The following DOCK3 variants were observed in gnomAD, a reference collection of about 807,000 sequenced individuals.
DOCK3 encodes dedicator of cytokinesis 3.
DOCK3 carries 60 observed loss-of-function variants against 265.6 expected under a neutral mutation model. That is an observed-to-expected ratio of 0.23 (90% CI 0.18 to 0.28). The LOEUF is 0.28. Ranked by LOEUF, DOCK3 falls within the 10% of genes least tolerant of loss-of-function variation. The pLI is 1.00. For synonymous variants in DOCK3, 881 were observed against 938.0 expected, an observed-to-expected ratio of 0.94 and a Z score of 1.11; for missense variants, 1,981 against 2,594.3, an observed-to-expected ratio of 0.76 and a Z score of 5.14.
intron 49 of DOCK3, among the ~76,000 whole-genome samples, chr3:51,369,639 C>T (rs2087529611): frequency 6.6e-6 from 1 of 151,784 alleles, no homozygotes; most frequent in Non-Finnish European, 1.5e-5. Flanking sequence ...ACCCATGAAG[C>T]CCACAGTAGG....
chr3:51,168,666 C>G (rs1012657744), intron 12 of DOCK3, among the ~76,000 whole-genome samples: 2 of 152,142 alleles, frequency 1.3e-5, no homozygotes, highest in Non-Finnish European at 2.9e-5. Flanking sequence ...CAATACCATT[C>G]TAGACATAGG....
chr3:50,789,519 A>G (rs2042354705), intron 2 of DOCK3, among the ~76,000 whole-genome samples: 1 of 152,126 alleles, frequency 6.6e-6, no homozygotes, highest in African/African-American at 2.4e-5. Flanking sequence ...GTTTAAGTCC[A>G]TTGTTTACTT....
At chr3:50,935,601 C>T (rs901488354) in intron 5 of DOCK3, among the ~76,000 whole-genome samples, 2 of 152,196 alleles carry the variant, frequency 1.3e-5, no homozygotes, top group Non-Finnish European at 2.9e-5. Flanking sequence ...GACTTCCACC[C>T]TCCCTTCCCC....
intron 1 of DOCK3, among the ~76,000 whole-genome samples, chr3:50,690,495 C>T (rs888392339): frequency 2.0e-5 from 3 of 152,044 alleles, no homozygotes; most frequent in African/African-American, 7.2e-5. Context: ...AACTGTCATC[C>T]ACTGTCTATC....
In DOCK3 at chr3:51,260,186, C is replaced by G; in HGVS notation, c.2215C>G (p.Gln739Glu). Residue 739 changes from glutamine to glutamate, a missense_variant, in exon 23 of 53, where the codon CAG becomes GAG. Physicochemically the swap from Gln to Glu is conservative, Grantham distance 29 (BLOSUM62 2). Around this residue, in one of 4 missense-constraint regions of DOCK3, gnomAD observed 1,357 missense variants for 1,866.8 expected, o/e 0.73. Coordinates refer to ENST00000266037, the MANE Select transcript of DOCK3 (RefSeq NM_004947.5). ...GGAGTACCTTTTCAAGTTCATTGTA[C>G]AGTCACGGATCCTGTACTCACGAGC... ...ALEYLFKFIVQSRILYSRATC... is the reference protein window; with the variant it reads ...ALEYLFKFIVESRILYSRATC... The G allele has an allele frequency of 6.2e-7, 1 of 1,613,526 alleles. No homozygotes were observed. The highest frequency in any genetic ancestry group is 8.5e-7 in the Non-Finnish European group (1 of 1,179,704).
intron 2 of DOCK3, among the ~76,000 whole-genome samples, chr3:50,782,286 G>A (rs1576418347): frequency 2.2e-5 from 1 of 44,804 alleles, no homozygotes; most frequent in Admixed American, 3.6e-4. Flanking sequence ...ACCAGTACCT[G>A]TTATTTTTTT....
chr3:51,263,362 G>A (rs1259590165), intron 23 of DOCK3, among the ~76,000 whole-genome samples: 2 of 152,122 alleles, frequency 1.3e-5, no homozygotes, highest in Non-Finnish European at 2.9e-5. Context: ...TTACAGACAA[G>A]CAAATGCTGA....
intron 4 of DOCK3, chr3:50,898,662 G>C (rs2049020914): frequency 6.6e-6 from 1 of 152,198 alleles, no homozygotes; most frequent in African/African-American, 2.4e-5. Context: ...GTGTCCCAGA[G>C]ATTCTGGTAT....
chr3:50,924,526 T>C (rs1459168944), intron 4 of DOCK3, among the ~76,000 whole-genome samples: 1 of 152,246 alleles, frequency 6.6e-6, no homozygotes, highest in Non-Finnish European at 1.5e-5. Flanking sequence ...AAATAGGGTA[T>C]TGAATAGTCT....
At chr3:51,034,618 A>G (rs1291829774) in intron 5 of DOCK3, among the ~76,000 whole-genome samples, 1 of 152,002 alleles carries the variant, frequency 6.6e-6, no homozygotes, top group Non-Finnish European at 1.5e-5. Context: ...TTTTTCTTTA[A>G]TCAATTATAT....
At chr3:51,235,896 C>T (rs1335129099) in intron 19 of DOCK3, among the ~76,000 whole-genome samples, 1 of 152,118 alleles carries the variant, frequency 6.6e-6, no homozygotes, top group Non-Finnish European at 1.5e-5. Context: ...CTTGCCACAC[C>T]CTTATCAAAT....
chr3:51,170,697 C>A lies in DOCK3; in HGVS notation c.1037+9995C>A, dbSNP rs538645457. Among the ~76,000 whole-genome samples the A allele has an allele frequency of 1.4e-4, 22 of 152,086 alleles. 1 individual carries two copies. The highest frequency in any genetic ancestry group is 4.8e-4 in the African/African-American group (20 of 41,400). On this transcript the variant is annotated intron_variant, in intron 12 of 52. Coordinates refer to ENST00000266037, the MANE Select transcript of DOCK3 (RefSeq NM_004947.5). ...CGGTGGCTCACGCCTGTAATCCCAG[C>A]GCTTTGGGAGGCGAAGGCGGGCGGA...
At chr3:51,078,596 A>G (rs1467696812) in intron 7 of DOCK3, among the ~76,000 whole-genome samples, 1 of 152,214 alleles carries the variant, frequency 6.6e-6, no homozygotes, top group Non-Finnish European at 1.5e-5. Context: ...TGGCTTCCTA[A>G]TAGCAGCATT....
At chr3:51,185,923 T>C (rs2087573703) in intron 12 of DOCK3, among the ~76,000 whole-genome samples, 1 of 152,212 alleles carries the variant, frequency 6.6e-6, no homozygotes, top group African/African-American at 2.4e-5. Flanking sequence ...CTCTTTGTTT[T>C]GTATATTGCC....
At chr3:50,893,620 C>T (rs1292221767) in intron 4 of DOCK3, among the ~76,000 whole-genome samples, 1 of 151,932 alleles carries the variant, frequency 6.6e-6, no homozygotes, top group African/African-American at 2.4e-5. Context: ...ACTAATGGGA[C>T]ACCATCAAGC....
rs565404747 is a variant in DOCK3 at position 51,000,376 on chromosome 3, C to A, written c.316-64072C>A. On this transcript the variant is annotated intron_variant, in intron 5 of 52. Coordinates refer to ENST00000266037, the MANE Select transcript of DOCK3 (RefSeq NM_004947.5). ...ACATACAATAATTTGTGAATGAAGT[C>A]TCTTCTGCTCCCCTCAGAACCAGGG... Among the ~76,000 whole-genome samples, 5 of 152,294 alleles carry A rather than the reference C, an allele frequency of 3.3e-5. No individual in the cohort carries two copies. In the South Asian group the frequency reaches 1.0e-3, roughly 32 times the overall value.
intron 2 of DOCK3, among the ~76,000 whole-genome samples, chr3:50,806,365 G>A (rs1350575860): frequency 6.6e-6 from 1 of 152,028 alleles, no homozygotes; most frequent in Non-Finnish European, 1.5e-5. Context: ...AGGGCGGCCT[G>A]TGGGACTTTT....
intron 4 of DOCK3, among the ~76,000 whole-genome samples, chr3:50,922,349 C>T (rs2050527830): frequency 6.6e-6 from 1 of 152,244 alleles, no homozygotes; most frequent in Non-Finnish European, 1.5e-5. Context: ...GTAGGACCCC[C>T]TGAGCCAGGC....
Position 51,362,546 on chromosome 3 carries a change from G to A in DOCK3, c.5165G>A (p.Arg1722Lys), listed in dbSNP as rs554437594. 15 of 1,613,952 alleles carry A rather than the reference G, an allele frequency of 9.3e-6. No individual in the cohort carries two copies. The South Asian group carries it at 1.3e-4, about 14-fold the overall frequency. ...HHMQLAYPNP[R>K]YQGSVTNVSV... ...TTGCAGCTCGCGTATCCCAACCCCA[G>A]GTACCAAGGCTCAGTCACCAACGTC... is the stretch of plus-strand genomic sequence containing the variant. Residue 1722 changes from arginine (R) to lysine (K), a missense_variant, in exon 49 of 53, where the codon AGG becomes AAG. This residue lies in a region of DOCK3 where 1,357 missense variants were observed against 1,866.8 expected (regional missense o/e 0.73). Coordinates refer to ENST00000266037, the MANE Select transcript of DOCK3 (RefSeq NM_004947.5).
Sources: allele counts gnomAD v4.1 joint callset (sites outside exome capture counted in the v4.1 genomes callset), GRCh38; gene constraint gnomAD v4.1.1; regional missense constraint gnomAD v4.1.1; transcripts MANE v1.5; gene names NCBI Gene and HGNC (gene_info 2026-07-23, HGNC 2026-07-21).